The following ERLEC1 variants were observed in gnomAD, a reference collection of about 807,000 sequenced individuals.
The protein encoded by ERLEC1 is ER lectin.
ERLEC1 carries 47 observed loss-of-function variants against 68.0 expected under a neutral mutation model. The observed-to-expected ratio is 0.69, with a 90% CI of 0.55 to 0.88. The LOEUF (loss-of-function observed/expected upper bound fraction) is 0.88, where lower values mean the gene tolerates loss of function less well. Ranked by LOEUF, ERLEC1 falls within the 40% of genes least tolerant of loss-of-function variation. ERLEC1 has a pLI of 0.00. For missense variants in ERLEC1, 567 were observed against 583.8 expected (o/e 0.97, Z 0.30); for synonymous variants, 225 against 203.2 (o/e 1.11, Z -0.91).
rs1338088441 is a variant in ERLEC1, at chr2:53,809,227, G to A, written c.1055G>A (p.Trp352Ter). 1.3e-6 allele frequency: 2 copies of A among 1,580,528 alleles called. No homozygotes were observed. Among genetic ancestry groups the A allele is most frequent in the South Asian group, 1.2e-5 (1 of 83,194 alleles). Residue 352 changes from tryptophan to a stop codon, truncating the protein, a stop_gained, in exon 10 of 14, where the codon TGG (tryptophan) becomes TAG (stop). Transcript: ENST00000185150. LOFTEE classifies it high-confidence loss of function. ...SYCFRGGVGW[W>*]KYEFCYGKHV... is the part of the protein sequence containing the mutation. ...CTTTTTTTTTAGGGTGTCGGTTGGT[G>A]GAAATATGAATTCTGCTATGGCAAA...
intron 13 of ERLEC1, among the ~76,000 whole-genome samples, chr2:53,817,359 T>G (rs1051035653): frequency 1.2e-4 from 19 of 152,106 alleles, no homozygotes; most frequent in Admixed American, 5.9e-4. Context: ...GGTCTCGATC[T>G]TCTGCCCTCA....
At chr2:53,791,039 G>T (rs1675366050) in intron 1 of ERLEC1, among the ~76,000 whole-genome samples, 1 of 152,120 alleles carries the variant, frequency 6.6e-6, no homozygotes, top group Non-Finnish European at 1.5e-5. Context: ...ACTACTATTT[G>T]ACCAACTCCA....
intron 8 of ERLEC1, among the ~76,000 whole-genome samples, chr2:53,804,170 T>G (rs1009513462): frequency 1.3e-5 from 2 of 152,026 alleles, no homozygotes; most frequent in Non-Finnish European, 2.9e-5. Context: ...TACTCAGCAT[T>G]TTTTTTAATT....
intron 13 of ERLEC1, among the ~76,000 whole-genome samples, chr2:53,817,656 T>C (rs531354817): frequency 2.1e-4 from 32 of 152,318 alleles, no homozygotes; most frequent in Admixed American, 1.5e-3. Flanking sequence ...CTTACTCCTG[T>C]CCTTTGTTCC....
At chr2:53,790,464 T>C (rs1573061016) in intron 1 of ERLEC1, among the ~76,000 whole-genome samples, 1 of 152,168 alleles carries the variant, frequency 6.6e-6, no homozygotes, top group Non-Finnish European at 1.5e-5. Flanking sequence ...CTTTGTCTGT[T>C]TACTAACTGA....
In ERLEC1 at chr2:53,812,940, C is replaced by A; in HGVS notation, c.1102-9C>A. ...GCACGCATTATCACAAATTTTTTTC[C>A]CATATTAGGACAAGGATAGTGGGAA... On this transcript the variant is annotated splice_polypyrimidine_tract_variant and intron_variant, in intron 10 of 13. Transcript: ENST00000185150. 1 of 1,596,732 alleles carries A rather than the reference C, an allele frequency of 6.3e-7. No individual in the cohort carries two copies. Among genetic ancestry groups the A allele is most frequent in the South Asian group, 1.1e-5 (1 of 86,998 alleles).
chr2:53,800,688 G>T (rs1405859556), intron 6 of ERLEC1, among the ~76,000 whole-genome samples: 1 of 152,042 alleles, frequency 6.6e-6, no homozygotes, highest in Non-Finnish European at 1.5e-5. Flanking sequence ...GATTTTTCTT[G>T]TGTTTATGTA....
At chr2:53,816,581 T>C (rs1676899066) in intron 13 of ERLEC1, among the ~76,000 whole-genome samples, 1 of 152,284 alleles carries the variant, frequency 6.6e-6, no homozygotes, top group South Asian at 2.1e-4. Context: ...CATTTTCTTA[T>C]TAATGTCTTT....
At chr2:53,792,055 G>A (rs1675433166) in intron 1 of ERLEC1, among the ~76,000 whole-genome samples, 2 of 152,004 alleles carry the variant, frequency 1.3e-5, no homozygotes, top group South Asian at 4.1e-4. Flanking sequence ...GGGAGTACAG[G>A]CGCCCGCCAC....
Position 53,799,121 on chromosome 2 carries a change from T to C in ERLEC1, c.525+40T>C, listed in dbSNP as rs376105516. On this transcript the variant is annotated intron_variant, in intron 6 of 13. Transcript: ENST00000185150. ...TTGATTTTTTTCCTCTTAACACTTA[T>C]TGTTAGTGAGGTATGAATTTATATA... 177 of 1,565,848 alleles carry C rather than the reference T, an allele frequency of 1.1e-4. 1 individual carries two copies. Among genetic ancestry groups the C allele is most frequent in the Non-Finnish European group, 1.4e-4 (160 of 1,140,420 alleles).
intron 5 of ERLEC1, among the ~76,000 whole-genome samples, chr2:53,798,013 G>T (rs538794571): frequency 1.3e-5 from 2 of 152,092 alleles, no homozygotes; most frequent in Non-Finnish European, 2.9e-5. Context: ...TGGCTAACAC[G>T]GTGAAACCCC....
At chr2:53,798,169 T>G (rs895149372) in intron 5 of ERLEC1, among the ~76,000 whole-genome samples, 1 of 152,080 alleles carries the variant, frequency 6.6e-6, no homozygotes, top group Non-Finnish European at 1.5e-5. Context: ...CACTCCAGCC[T>G]GGGCAACAGA....
chr2:53,808,808 A>T (rs1676437486), intron 9 of ERLEC1, among the ~76,000 whole-genome samples: 1 of 152,176 alleles, frequency 6.6e-6, no homozygotes, highest in Non-Finnish European at 1.5e-5. Context: ...TTAAAAAAAA[A>T]GTTAGAGACA....
rs1407744428 is a variant in ERLEC1, at chr2:53,812,982, G to A, written c.1135G>A (p.Gly379Arg). 47 of 1,613,160 alleles carry A rather than the reference G, an allele frequency of 2.9e-5. No individual in the cohort carries two copies. The highest frequency in any genetic ancestry group is 3.7e-5 in the Non-Finnish European group (44 of 1,179,860). Residue 379 changes from glycine (G) to arginine (R), a missense_variant, in exon 11 of 14, where the codon GGG (glycine) becomes AGG (arginine). Physicochemically the swap from Gly to Arg is moderately radical, Grantham distance 125. Coordinates refer to ENST00000185150, the MANE Select transcript of ERLEC1 (RefSeq NM_015701.5). ...KDSGKTSVVV[G>R]TWNQEEHIEW... ...TAGTGGGAAAACCTCTGTGGTTGTC[G>A]GGACATGGAACCAAGAAGAGCATAT...
intron 9 of ERLEC1, 36 bp downstream of exon 9, chr2:53,808,496 AC>A: frequency 6.2e-7 from 1 of 1,604,300 alleles, no homozygotes; most frequent in Non-Finnish European, 8.5e-7. Context: ...TATTTATTTT[AC>A]AACTTTACCT....
At chr2:53,793,329 A>C (rs769319790) in intron 1 of ERLEC1, among the ~76,000 whole-genome samples, 2 of 152,210 alleles carry the variant, frequency 1.3e-5, no homozygotes, top group African/African-American at 2.4e-5. Flanking sequence ...ATAGTGTAGA[A>C]AGCTTTAAGG....
In ERLEC1 at chr2:53,802,083, C is replaced by T. The variant is rs556827960; in HGVS notation, c.879+241C>T. On this transcript the variant is annotated intron_variant, in intron 8 of 13. Coordinates refer to ENST00000185150, the MANE Select transcript of ERLEC1 (RefSeq NM_015701.5). The stretch of plus-strand genomic sequence containing the variant: ...ATATTTTAAAGTTTGACATCCTACT[C>T]ATTATAATTTAATTTTTAGGTATTT... 2.6e-5 allele frequency among the ~76,000 whole-genome samples: 4 copies of T among 152,268 alleles called. No homozygotes were observed. The South Asian group carries it at 8.3e-4, about 32-fold the overall frequency.
At chr2:53,817,162 C>G (rs1171156249) in intron 13 of ERLEC1, among the ~76,000 whole-genome samples, 3 of 147,548 alleles carry the variant, frequency 2.0e-5, no homozygotes, top group African/African-American at 7.5e-5. Flanking sequence ...GAGACAGAGT[C>G]TCGCTCTGTC....
intron 2 of ERLEC1, among the ~76,000 whole-genome samples, chr2:53,795,283 G>A (rs1490250270): frequency 6.6e-6 from 1 of 152,068 alleles, no homozygotes; most frequent in African/African-American, 2.4e-5. Flanking sequence ...AGCTAGCTGT[G>A]GAACCTTGAA....
Sources: gnomAD v4.1 joint callset for allele counts (sites outside exome capture counted in the v4.1 genomes callset) on GRCh38, gnomAD v4.1.1 for gene constraint, MANE v1.5 for transcripts, NCBI Gene and HGNC (gene_info 2026-07-23, HGNC 2026-07-21) for gene names.